The following DLGAP2 variants were observed in gnomAD, a reference collection of about 807,000 sequenced individuals.
The protein encoded by DLGAP2 is DLG associated protein 2, also known as disks large-associated protein 2.
Under a neutral mutation model 100.3 loss-of-function variants are expected in DLGAP2, and 26 were observed. The ratio of observed to expected loss-of-function variants is 0.26; its 90% CI spans 0.19 to 0.36. The LOEUF (loss-of-function observed/expected upper bound fraction) is 0.36. Ranked by LOEUF, DLGAP2 falls within the 10% of genes least tolerant of loss-of-function variation. DLGAP2 has a pLI of 1.00. For synonymous variants in DLGAP2, 886 were observed against 630.1 expected (o/e 1.41, Z -6.08); for missense variants, 1,858 against 1,453.2 (o/e 1.28, Z -4.53).
rs935942634 is a variant in DLGAP2 at position 1,500,452 on chromosome 8, A to G, written c.107-914A>G. Among the ~76,000 whole-genome samples the G allele has an allele frequency of 2.0e-5, 3 of 151,386 alleles. No individual in the cohort carries two copies. The South Asian group carries it at 6.3e-4, about 32-fold the overall frequency. On this transcript the variant is annotated intron_variant, in intron 3 of 14. Coordinates refer to ENST00000637795, the MANE Select transcript of DLGAP2 (RefSeq NM_001346810.2). Reference sequence around the variant, plus strand: ...AACCAAGGCAGCCTGGAGAGTCGGCACCTGGTTTCCTGGGCAGAGCCTCCC... The same window carrying G: ...AACCAAGGCAGCCTGGAGAGTCGGCGCCTGGTTTCCTGGGCAGAGCCTCCC...
intron 1 of DLGAP2, among the ~76,000 whole-genome samples, chr8:787,065 C>T (rs1044612927): frequency 1.3e-5 from 2 of 152,222 alleles, no homozygotes; most frequent in Non-Finnish European, 2.9e-5. Context: ...TTAAAGAAGC[C>T]ACAGAACTTG....
chr8:1,218,135 C>G (rs1216667287), intron 2 of DLGAP2, among the ~76,000 whole-genome samples: 1 of 152,144 alleles, frequency 6.6e-6, no homozygotes, highest in East Asian at 1.9e-4. Context: ...GTAGAAATTG[C>G]TTTCAGAGGC....
At chr8:1,130,661 A>C (rs1796272961) in intron 2 of DLGAP2, among the ~76,000 whole-genome samples, 1 of 152,254 alleles carries the variant, frequency 6.6e-6, no homozygotes, top group Admixed American at 6.5e-5. Flanking sequence ...GCTGCACAGC[A>C]GCATCTTCGT....
At chr8:1,355,438 C>A (rs941595546) in intron 3 of DLGAP2, among the ~76,000 whole-genome samples, 27 of 152,132 alleles carry the variant, frequency 1.8e-4, no homozygotes, top group Non-Finnish European at 2.5e-4. Context: ...AATCTTGGCT[C>A]ACTGCAACCT....
chr8:1,422,912 C>T (rs935509408), intron 3 of DLGAP2, among the ~76,000 whole-genome samples: 1 of 152,148 alleles, frequency 6.6e-6, no homozygotes, highest in Admixed American at 6.5e-5. Context: ...CAGCTCCTTC[C>T]TCACTTCACC....
intron 4 of DLGAP2, among the ~76,000 whole-genome samples, chr8:1,528,848 T>C (rs1450615464): frequency 2.0e-5 from 3 of 152,224 alleles, no homozygotes; most frequent in Non-Finnish European, 4.4e-5. Flanking sequence ...AGCAAACAAA[T>C]GCTTGATTTC....
chr8:949,574 G>C (rs990108544), intron 2 of DLGAP2, among the ~76,000 whole-genome samples: 1 of 152,202 alleles, frequency 6.6e-6, no homozygotes, highest in Non-Finnish European at 1.5e-5. Context: ...ACGTGGGCGC[G>C]TGCCAGGGCG....
intron 4 of DLGAP2, among the ~76,000 whole-genome samples, chr8:1,505,896 G>C (rs1799895859): frequency 6.6e-6 from 1 of 152,058 alleles, no homozygotes; most frequent in Admixed American, 6.6e-5. Context: ...GTGCTATATT[G>C]ACCCAAATTT....
In DLGAP2 at chr8:1,258,372, G is replaced by C. The variant is rs148579306; in HGVS notation, c.74-479G>C. Among the ~76,000 whole-genome samples, 460 of 152,126 alleles carry C rather than the reference G, an allele frequency of 3.0e-3. 15 individuals are homozygous for C. In the East Asian group the frequency reaches 0.055, roughly 18 times the overall value. ...ACACCACATGATCTCATTCGTAAGT[G>C]GGAGTTGAACAATGAGAACACATGG... On this transcript the variant is annotated intron_variant, in intron 2 of 14. Coordinates refer to ENST00000637795, the MANE Select transcript of DLGAP2 (RefSeq NM_001346810.2).
At chr8:1,348,390 A>C (rs1029241201) in intron 3 of DLGAP2, among the ~76,000 whole-genome samples, 1 of 149,534 alleles carries the variant, frequency 6.7e-6, no homozygotes, top group African/African-American at 2.5e-5. Flanking sequence ...TTGAGTTCCC[A>C]CACAGAGCTG....
Position 764,702 on chromosome 8 carries a change from C to A in DLGAP2, c.18+26877C>A, listed in dbSNP as rs74541994. 8.4e-4 allele frequency among the ~76,000 whole-genome samples: 128 copies of A among 152,312 alleles called. No homozygotes were observed. The East Asian group carries it at 0.024, about 28-fold the overall frequency. Reference sequence around the variant, plus strand: ...GTACCATAAAACTGGCCCCATCACACACCTTGTGGTTGTAGTAGAGGAATG... The same window carrying A: ...GTACCATAAAACTGGCCCCATCACAAACCTTGTGGTTGTAGTAGAGGAATG... On this transcript the variant is annotated intron_variant, in intron 1 of 14. Transcript: ENST00000637795.
intron 8 of DLGAP2, among the ~76,000 whole-genome samples, chr8:1,650,487 C>T (rs539164271): frequency 2.6e-5 from 4 of 152,244 alleles, no homozygotes; most frequent in East Asian, 1.9e-4. Flanking sequence ...TCTGTGTGTG[C>T]GATAAAACGG....
At chr8:1,121,083 C>G (rs1448370882) in intron 2 of DLGAP2, among the ~76,000 whole-genome samples, 1 of 151,542 alleles carries the variant, frequency 6.6e-6, no homozygotes, top group African/African-American at 2.4e-5. Context: ...CTTTAGAACC[C>G]CTGATCACCC....
intron 2 of DLGAP2, among the ~76,000 whole-genome samples, chr8:1,001,566 C>T (rs1029070703): frequency 3.9e-5 from 6 of 152,076 alleles, no homozygotes; most frequent in South Asian, 2.1e-4. Context: ...ACGAAAGTTA[C>T]GGAGAAATGA....
At position 1,658,031 on chromosome 8, in the gene DLGAP2, A is replaced by AT. The variant is rs1365897620; in HGVS notation, c.1811-10298_1811-10297insT. On this transcript the variant is annotated intron_variant, in intron 8 of 14. Coordinates refer to ENST00000637795, the MANE Select transcript of DLGAP2 (RefSeq NM_001346810.2). Reference sequence around the variant, plus strand: ...CAGCAGAATGCAATCGGTTCTGTACAGAGGCTTGAGGAGGTGGTGATTGGC... The same window carrying AT: ...CAGCAGAATGCAATCGGTTCTGTACATGAGGCTTGAGGAGGTGGTGATTGGC... 2.0e-5 allele frequency among the ~76,000 whole-genome samples: 3 copies of AT among 152,186 alleles called. No individual in the cohort carries two copies. The East Asian group carries it at 5.8e-4, about 29-fold the overall frequency.
At chr8:1,019,546 TGTC>T (rs1801568283) in intron 2 of DLGAP2, 1 of 152,072 alleles carries the variant, frequency 6.6e-6, no homozygotes, top group Admixed American at 6.5e-5. Context: ...CTTCACCGTC[TGTC>T]GTCATCTGGT....
intron 3 of DLGAP2, among the ~76,000 whole-genome samples, chr8:1,360,681 AACAC>A (rs1214758593): frequency 6.6e-6 from 1 of 152,148 alleles, no homozygotes; most frequent in Admixed American, 6.5e-5. Context: ...GAGACCGAGA[AACAC>A]ACACCACACC....
chr8:1,364,706 T>G lies in DLGAP2; in HGVS notation c.106+105823T>G, dbSNP rs566500891. Reference sequence around the variant, plus strand: ...TGGCAAGGAGGACTCCAATTAAAGCTTGCGTGGGGGAGACAGGCCCGAACT... The same window carrying G: ...TGGCAAGGAGGACTCCAATTAAAGCGTGCGTGGGGGAGACAGGCCCGAACT... On this transcript the variant is annotated intron_variant, in intron 3 of 14. Coordinates refer to ENST00000637795, the MANE Select transcript of DLGAP2 (RefSeq NM_001346810.2). Among the ~76,000 whole-genome samples, 10 of 152,298 alleles carry G rather than the reference T, an allele frequency of 6.6e-5. 1 individual carries two copies. The South Asian group carries it at 1.9e-3, about 28-fold the overall frequency.
At chr8:762,215 G>C (rs1411620998) in intron 1 of DLGAP2, among the ~76,000 whole-genome samples, 1 of 152,100 alleles carries the variant, frequency 6.6e-6, no homozygotes, top group Non-Finnish European at 1.5e-5. Context: ...ATTCATCCGT[G>C]GGAGAAAAAG....
Sources: allele counts gnomAD v4.1 joint callset (sites outside exome capture counted in the v4.1 genomes callset), GRCh38; gene constraint gnomAD v4.1.1; transcripts MANE v1.5; gene names NCBI Gene and HGNC (gene_info 2026-07-23, HGNC 2026-07-21).